Variants in DYNC2H1 observed in about 807,000 individuals in gnomAD.
DYNC2H1 encodes dynein cytoplasmic 2 heavy chain 1, also known as cytoplasmic dynein 2 heavy chain 1.
Under a neutral mutation model 570.0 loss-of-function variants are expected in DYNC2H1, and 410 were observed. That is an observed-to-expected ratio of 0.72 (90% CI 0.66 to 0.78). The LOEUF (loss-of-function observed/expected upper bound fraction) is 0.78, where lower values mean the gene tolerates loss of function less well. Ranked by LOEUF, DYNC2H1 falls within the 30% of genes least tolerant of loss-of-function variation. The pLI is 0.00. For missense variants in DYNC2H1, 4,865 were observed against 5,046.4 expected, an observed-to-expected ratio of 0.96 and a Z score of 1.09; for synonymous variants, 1,688 against 1,677.6, an observed-to-expected ratio of 1.01 and a Z score of -0.15.
intron 70 of DYNC2H1, among the ~76,000 whole-genome samples, chr11:103,269,566 A>G (rs1865624383): frequency 6.6e-6 from 1 of 152,224 alleles, no homozygotes; most frequent in Non-Finnish European, 1.5e-5. Context: ...GACCTGGAAC[A>G]GAAACATGAT....
chr11:103,158,238 G>C (rs1000439407), intron 26 of DYNC2H1, among the ~76,000 whole-genome samples: 3 of 152,164 alleles, frequency 2.0e-5, no homozygotes, highest in Admixed American at 2.0e-4. Flanking sequence ...ACGAGGTCAG[G>C]AGATCGAGAC....
chr11:103,116,528 A>G (rs750350097), intron 4 of DYNC2H1, 42 bp from the exon 5 acceptor site: 32 of 1,490,864 alleles, frequency 2.1e-5, no homozygotes, highest in Non-Finnish European at 2.9e-5. Context: ...TACCCAAGGT[A>G]CAAATATAAT....
At chr11:103,197,011 GGGAA>G (rs1862530106) in intron 47 of DYNC2H1, among the ~76,000 whole-genome samples, 1 of 151,958 alleles carries the variant, frequency 6.6e-6, no homozygotes, top group Admixed American at 6.6e-5. Flanking sequence ...CAGAAGAGTT[GGGAA>G]GGAAAAAGTT....
At chr11:103,315,199 G>A (rs1937753843) in intron 79 of DYNC2H1, among the ~76,000 whole-genome samples, 1 of 152,004 alleles carries the variant, frequency 6.6e-6, no homozygotes, top group African/African-American at 2.4e-5. Context: ...GACATATCCA[G>A]TTGGATGTCT....
intron 66 of DYNC2H1, 49 bp downstream of exon 66, chr11:103,253,497 A>G: frequency 6.5e-7 from 1 of 1,544,488 alleles, no homozygotes; most frequent in Non-Finnish European, 8.8e-7. Flanking sequence ...CGAGCTTTAT[A>G]TACCTATTAG....
intron 84 of DYNC2H1, chr11:103,408,226 C>T (rs919332745): frequency 2.0e-5 from 3 of 152,042 alleles, no homozygotes; most frequent in African/African-American, 7.2e-5. Flanking sequence ...TTTATTGCAT[C>T]AGCAAATGGT....
Position 103,257,617 on chromosome 11 carries a change from G to A in DYNC2H1, c.10471G>A (p.Ala3491Thr), listed in dbSNP as rs1354597707. The A allele has an allele frequency of 6.2e-7, 1 of 1,610,450 alleles. No individual in the cohort carries two copies. The highest frequency in any genetic ancestry group is 8.5e-7 in the Non-Finnish European group (1 of 1,177,908). Residue 3491 changes from alanine (A) to threonine (T), a missense_variant, in exon 69 of 89, where the codon GCC becomes ACC. Ala to Thr is a moderately conservative substitution (Grantham distance 58). Coordinates refer to ENST00000375735, the MANE Select transcript of DYNC2H1 (RefSeq NM_001377.3). ...LQISLDQERD[A>T]YLPLAESASK... ...ATCTCTTGATCCATAGGAACGGGAT[G>A]CCTATCTCCCCCTGGCTGAGAGTGC...
chr11:103,169,087 C>A, intron 32 of DYNC2H1, 127 bp downstream of exon 32: 1 of 875,402 alleles, frequency 1.1e-6, no homozygotes, highest in Non-Finnish European at 1.6e-6. Context: ...GTATTATTGT[C>A]TTGTTTAATC....
At chr11:103,381,518 C>T (rs1226846651) in intron 83 of DYNC2H1, among the ~76,000 whole-genome samples, 4 of 152,186 alleles carry the variant, frequency 2.6e-5, no homozygotes, top group Non-Finnish European at 5.9e-5. Context: ...GGCGCGATCT[C>T]GGCTCACTGC....
At chr11:103,120,222 A>G (rs1336182259) in intron 6 of DYNC2H1, among the ~76,000 whole-genome samples, 1 of 152,170 alleles carries the variant, frequency 6.6e-6, no homozygotes, top group African/African-American at 2.4e-5. Context: ...ACTAGATTTG[A>G]GCACACTTAT....
intron 75 of DYNC2H1, among the ~76,000 whole-genome samples, chr11:103,294,376 A>T (rs750926431): frequency 1.3e-5 from 2 of 152,102 alleles, no homozygotes; most frequent in Non-Finnish European, 2.9e-5. Flanking sequence ...AGGAATCCAA[A>T]GGAGACTGAG....
intron 17 of DYNC2H1, among the ~76,000 whole-genome samples, chr11:103,137,052 T>G (rs1354441293): frequency 3.4e-5 from 5 of 149,044 alleles, no homozygotes; most frequent in South Asian, 2.2e-4. Context: ...TCATGTCCTT[T>G]GCCCACTTTT....
Position 103,109,498 on chromosome 11 carries a change from C to G in DYNC2H1, c.-77C>G. The G allele has an allele frequency of 7.9e-6, 11 of 1,396,174 alleles. No individual in the cohort carries two copies. Among genetic ancestry groups the G allele is most frequent in the South Asian group, 1.3e-5 (1 of 75,998 alleles). The allele number at this position is 1,396,174 out of a possible 1,614,324, so 86.5% of individuals were successfully genotyped here. A position where few individuals can be genotyped will look rare whatever the true frequency, so the allele number is the denominator to read the frequency against. ...GGCTACGGGTTTGAGCAAAGCTCCTCTCTTCCCTTCACTTCCCTCCGGACT... is the reference window on the plus strand; with the variant it reads ...GGCTACGGGTTTGAGCAAAGCTCCTGTCTTCCCTTCACTTCCCTCCGGACT... On this transcript the variant is annotated 5_prime_UTR_variant, in exon 1 of 89. Coordinates refer to ENST00000375735, the MANE Select transcript of DYNC2H1 (RefSeq NM_001377.3).
rs759433860 is a variant in DYNC2H1, at chr11:103,156,391, T to G, written c.3748T>G (p.Leu1250Val). The G allele has an allele frequency of 3.7e-6, 6 of 1,611,888 alleles. No homozygotes were observed. The African/African-American group carries it at 5.3e-5, about 14-fold the overall frequency. ...ATGGATATTTTGTGTTAAATAGGAT[T>G]TAAATAGTCGGGCACAAGGTGAAGT... ...IVAKAADLKD[L>V]NSRAQGEVTI... The change falls in exon 26 of 89, where the codon TTA (leucine) becomes GTA (valine). Residue 1250 changes from leucine to valine, a missense_variant. Leu to Val is a conservative substitution (Grantham distance 32, BLOSUM62 1). Coordinates refer to ENST00000375735, the MANE Select transcript of DYNC2H1 (RefSeq NM_001377.3).
chr11:103,428,012 A>G (rs1943734306), intron 84 of DYNC2H1, among the ~76,000 whole-genome samples: 1 of 151,534 alleles, frequency 6.6e-6, no homozygotes, highest in Admixed American at 6.6e-5. Context: ...AAGTATATAT[A>G]TATAATTCAG....
chr11:103,453,615 C>CATATATATATATATATATATAT lies in DYNC2H1; in HGVS notation c.12457-1565_12457-1544dup, dbSNP rs66628059. On this transcript the variant is annotated intron_variant, in intron 85 of 88. Transcript: ENST00000375735. ...TGATTATCAGCCATGTTAGTTTAGA[C>CATATATATATATATATATATAT]ATATATATATATATATATATATATA... Among the ~76,000 whole-genome samples the CATATATATATATATATATATAT allele has an allele frequency of 3.1e-3, 425 of 136,444 alleles. 9 individuals are homozygous for CATATATATATATATATATATAT. Among genetic ancestry groups the CATATATATATATATATATATAT allele is most frequent in the African/African-American group, 0.011 (392 of 34,694 alleles). The allele number at this position is 136,444 out of a possible 152,430, so 89.5% of individuals were successfully genotyped here.
intron 84 of DYNC2H1, among the ~76,000 whole-genome samples, chr11:103,432,570 CAAAT>C (rs2135744958): frequency 6.6e-6 from 1 of 152,038 alleles, no homozygotes; most frequent in African/African-American, 2.4e-5. Flanking sequence ...ATTGTGAACT[CAAAT>C]AAGAAAATCA....
At chr11:103,412,477 A>T (rs1943127741) in intron 84 of DYNC2H1, among the ~76,000 whole-genome samples, 2 of 152,228 alleles carry the variant, frequency 1.3e-5, no homozygotes, top group South Asian at 4.1e-4. Context: ...CAAATGCCAA[A>T]TTGCTTTATC....
At chr11:103,221,604 C>T (rs1041750529) in intron 57 of DYNC2H1, among the ~76,000 whole-genome samples, 2 of 152,172 alleles carry the variant, frequency 1.3e-5, no homozygotes, top group Non-Finnish European at 2.9e-5. Flanking sequence ...GCTGGGCACA[C>T]CTGTAATCCC....
Sources: gnomAD v4.1 joint callset for allele counts (sites outside exome capture counted in the v4.1 genomes callset) on GRCh38, gnomAD v4.1.1 for gene constraint, MANE v1.5 for transcripts, NCBI Gene and HGNC (gene_info 2026-07-23, HGNC 2026-07-21) for gene names.